DYNC1I2: variants seen among roughly 807,000 people sequenced by gnomAD.
The protein encoded by DYNC1I2 is cytoplasmic dynein 1 intermediate chain 2.
DYNC1I2 carries 53 observed loss-of-function variants against 88.6 expected under a neutral mutation model. That is an observed-to-expected ratio of 0.60 (90% confidence interval 0.48 to 0.75). The LOEUF (loss-of-function observed/expected upper bound fraction) is 0.75, where lower values mean the gene tolerates loss of function less well. DYNC1I2 is among the 30% of genes least tolerant of loss of function. The pLI is 0.00. For synonymous variants in DYNC1I2, 198 were observed against 254.6 expected, an observed-to-expected ratio of 0.78 and a Z score of 2.12; for missense variants, 458 against 766.6, an observed-to-expected ratio of 0.60 and a Z score of 4.75.
At chr2:171,734,095 A>T in intron 15 of DYNC1I2, among the ~76,000 whole-genome samples, 1 of 152,122 alleles carries the variant, frequency 6.6e-6, no homozygotes. Context: ...TTTGTCAAAG[A>T]TGATGATTGT....
Position 171,698,386 on chromosome 2 carries a change from T to G in DYNC1I2, c.226+5492T>G, listed in dbSNP as rs550546209. ...GATGAGTTTTTGCATGTATTTTATCTCTTTTTTTTATTTTTTGAGACAGGG... is the reference window on the plus strand; with the variant it reads ...GATGAGTTTTTGCATGTATTTTATCGCTTTTTTTTATTTTTTGAGACAGGG... On this transcript the variant is annotated intron_variant, in intron 3 of 17. Transcript: ENST00000397119. Among the ~76,000 whole-genome samples the G allele has an allele frequency of 9.2e-5, 14 of 152,256 alleles. No homozygotes were observed. In the South Asian group the frequency reaches 2.7e-3, roughly 29 times the overall value.
intron 6 of DYNC1I2, among the ~76,000 whole-genome samples, chr2:171,714,198 T>C (rs896312562): frequency 1.4e-4 from 22 of 151,988 alleles, no homozygotes; most frequent in Non-Finnish European, 2.5e-4. Flanking sequence ...ACTTTTTTTT[T>C]CCCTTTCTTT....
chr2:171,733,760 G>T (rs994319503), intron 15 of DYNC1I2, among the ~76,000 whole-genome samples: 9 of 135,064 alleles, frequency 6.7e-5, no homozygotes, highest in African/African-American at 1.2e-4. Flanking sequence ...TTTTTTAGGG[G>T]TTTTTTTGTT....
At chr2:171,733,768 GT>G (rs1301575309) in intron 15 of DYNC1I2, among the ~76,000 whole-genome samples, 5 of 77,490 alleles carry the variant, frequency 6.5e-5, no homozygotes, top group East Asian at 2.9e-4. Context: ...GGGTTTTTTT[GT>G]TTTTGTTTTT....
At position 171,748,834 on chromosome 2, in the gene DYNC1I2, A is replaced by G. The variant is rs143623078; in HGVS notation, c.*945A>G. Among the ~76,000 whole-genome samples, 129 of 152,328 alleles carry G rather than the reference A, an allele frequency of 8.5e-4. No individual in the cohort carries two copies. The highest frequency in any genetic ancestry group is 3.4e-3 in the Middle Eastern group (1 of 292). ...TCAAATGGACCCATACTTTGGCATT[A>G]AAATCTACATCTTGAGATCTGTTGC... On this transcript the variant is annotated 3_prime_UTR_variant, in exon 18 of 18. Transcript: ENST00000397119.
chr2:171,699,562 G>A (rs897949752), intron 3 of DYNC1I2, among the ~76,000 whole-genome samples: 1 of 151,122 alleles, frequency 6.6e-6, no homozygotes, highest in Non-Finnish European at 1.5e-5. Flanking sequence ...TCTACAGAGA[G>A]TAGAGAGCAG....
chr2:171,742,603 C>T (rs1203964937), intron 15 of DYNC1I2, among the ~76,000 whole-genome samples: 2 of 152,298 alleles, frequency 1.3e-5, no homozygotes, highest in East Asian at 1.9e-4. Flanking sequence ...CTTTTCTTTG[C>T]TATTGTCTAC....
At chr2:171,690,390 T>C in intron 2 of DYNC1I2, 127 bp downstream of exon 2, 1 of 632,222 alleles carries the variant, frequency 1.6e-6, no homozygotes, top group Non-Finnish European at 2.7e-6. Context: ...AAAATTATGA[T>C]TGCTTTTGCA....
intron 15 of DYNC1I2, among the ~76,000 whole-genome samples, chr2:171,733,489 T>G (rs965552404): frequency 7.7e-6 from 1 of 130,634 alleles, no homozygotes; most frequent in Non-Finnish European, 1.6e-5. Flanking sequence ...TTTTTTTTTT[T>G]GCTTTTTAAT....
chr2:171,716,051 A>C (rs968747323), intron 7 of DYNC1I2, among the ~76,000 whole-genome samples: 3 of 152,110 alleles, frequency 2.0e-5, no homozygotes, highest in African/African-American at 7.2e-5. Flanking sequence ...ATAGCTAACG[A>C]TTCAAGCATA....
intron 13 of DYNC1I2, 107 bp downstream of exon 13, chr2:171,728,525 C>A: frequency 2.4e-6 from 2 of 821,370 alleles, no homozygotes; most frequent in Non-Finnish European, 3.7e-6. Context: ...AGTGTTACAA[C>A]AGCTTATAAG....
chr2:171,705,463 A>G (rs1331669328), intron 3 of DYNC1I2, among the ~76,000 whole-genome samples: 1 of 152,080 alleles, frequency 6.6e-6, no homozygotes, highest in Non-Finnish European at 1.5e-5. Flanking sequence ...TGAGTATGAA[A>G]TTAGGTATGT....
At position 171,703,874 on chromosome 2, in the gene DYNC1I2, A is replaced by T. The variant is rs561284908; in HGVS notation, c.227-2673A>T. Among the ~76,000 whole-genome samples, 4 of 152,330 alleles carry T rather than the reference A, an allele frequency of 2.6e-5. No homozygotes were observed. The South Asian group carries it at 8.3e-4, about 32-fold the overall frequency. ...CATTGATGACCTTAGAAGAGACTTCACAACTTTGGGTTCCACGCATCCCAA... is the reference window on the plus strand; with the variant it reads ...CATTGATGACCTTAGAAGAGACTTCTCAACTTTGGGTTCCACGCATCCCAA... On this transcript the variant is annotated intron_variant, in intron 3 of 17. Coordinates refer to ENST00000397119, the MANE Select transcript of DYNC1I2 (RefSeq NM_001378.3).
intron 14 of DYNC1I2, 96 bp downstream of exon 14, chr2:171,728,946 A>G: frequency 1.5e-6 from 2 of 1,322,966 alleles, no homozygotes; most frequent in South Asian, 3.0e-5. Flanking sequence ...TCGTAGATCT[A>G]CTTGTTATTT....
rs71013069 is a variant in DYNC1I2, at chr2:171,742,067, GAA to G, written c.1537-1966_1537-1965del. On this transcript the variant is annotated intron_variant, in intron 15 of 17. Coordinates refer to ENST00000397119, the MANE Select transcript of DYNC1I2 (RefSeq NM_001378.3). ...GGCGACAGAGCGAGACGCGGTCTCA[GAA>G]AAAAAAAAAAAAAAAGTTTCATAGT... is the stretch of plus-strand genomic sequence containing the variant. Among the ~76,000 whole-genome samples, 467 of 130,906 alleles carry G rather than the reference GAA, an allele frequency of 3.6e-3. 2 individuals carry two copies. The highest frequency in any genetic ancestry group is 0.025 in the East Asian group (115 of 4,682). The allele number at this position is 130,906 out of a possible 152,430, so 85.9% of individuals were successfully genotyped here.
At chr2:171,733,664 C>T (rs1006921887) in intron 15 of DYNC1I2, among the ~76,000 whole-genome samples, 7 of 150,962 alleles carry the variant, frequency 4.6e-5, no homozygotes, top group African/African-American at 9.7e-5. Context: ...TTATAGATGC[C>T]GGATATTAGA....
intron 3 of DYNC1I2, 165 bp downstream of exon 3, chr2:171,693,059 G>T: frequency 3.3e-6 from 2 of 599,084 alleles, no homozygotes; most frequent in South Asian, 4.1e-5. Context: ...GCTAGTACAT[G>T]GTTATTTTAT....
chr2:171,710,869 C>CT (rs369943455), intron 5 of DYNC1I2, among the ~76,000 whole-genome samples: 194 of 142,816 alleles, frequency 1.4e-3, no homozygotes, highest in Admixed American at 1.6e-3. Flanking sequence ...TACCCAGCTA[C>CT]TTTTTTTTTT....
rs755846327 is a variant in DYNC1I2, at chr2:171,728,711, A to G, written c.1258-6A>G. On this transcript the variant is annotated splice_polypyrimidine_tract_variant and splice_region_variant and intron_variant, in intron 13 of 17. Transcript: ENST00000397119. The stretch of plus-strand genomic sequence containing the variant: ...CAAACTAATTTTCTCAGGTTTTTCT[A>G]TGTAGGATAGCATGGAGTTGGTTCA... 5 of 1,575,276 alleles carry G rather than the reference A, an allele frequency of 3.2e-6. No homozygotes were observed. Among genetic ancestry groups the G allele is most frequent in the South Asian group, 1.2e-5 (1 of 83,514 alleles).
Sources: allele counts gnomAD v4.1 joint callset (sites outside exome capture counted in the v4.1 genomes callset), GRCh38; gene constraint gnomAD v4.1.1; transcripts MANE v1.5; gene names NCBI Gene and HGNC (gene_info 2026-07-23, HGNC 2026-07-21).